Variants in COMMD6 observed in about 807,000 individuals in gnomAD.
COMMD6 encodes the protein COMM domain-containing protein 6.
A neutral mutation model predicts 13.4 loss-of-function variants in COMMD6; 11 were observed. The ratio of observed to expected loss-of-function variants is 0.82; its 90% CI spans 0.52 to 1.36. The LOEUF is 1.36. Ranked by LOEUF, COMMD6 falls within the 40% of genes most tolerant of loss-of-function variation. The pLI, the probability that COMMD6 is intolerant of heterozygous loss-of-function variation, is 0.00. For synonymous variants in COMMD6, 43 were observed against 36.5 expected, an observed-to-expected ratio of 1.18 and a Z score of -0.64; for missense variants, 124 against 102.4, an observed-to-expected ratio of 1.21 and a Z score of -0.91.
chr13:75,529,973 G>C (rs2030411386), intron 3 of COMMD6, 141 bp downstream of exon 3: 1 of 628,296 alleles, frequency 1.6e-6, no homozygotes, highest in Non-Finnish European at 2.8e-6. Context: ...AATGTCTCTT[G>C]CATATACTAC....
chr13:75,542,954 C>T (rs2030849354), upstream of COMMD6, among the ~76,000 whole-genome samples: 1 of 152,164 alleles, frequency 6.6e-6, no homozygotes, highest in Non-Finnish European at 1.5e-5. Flanking sequence ...CAGTGGTGTA[C>T]CTGGATAAAG....
intron 2 of COMMD6, chr13:75,530,475 C>A: frequency 2.8e-6 from 1 of 356,418 alleles, no homozygotes; most frequent in Middle Eastern, 7.3e-4. Flanking sequence ...TAAAAAACAC[C>A]ATCATAGTTT....
intron 1 of COMMD6, among the ~76,000 whole-genome samples, chr13:75,545,088 C>T (rs1640795079): frequency 6.6e-6 from 1 of 152,124 alleles, no homozygotes. Context: ...CAAGCACTGC[C>T]AAAAGGCCAC....
At chr13:75,528,083 G>A (rs563464400) in intron 3 of COMMD6, among the ~76,000 whole-genome samples, 65 of 151,616 alleles carry the variant, frequency 4.3e-4, no homozygotes, top group African/African-American at 1.4e-3. Context: ...GTGTGGGGGT[G>A]GATGTGTTAA....
intron 3 of COMMD6, among the ~76,000 whole-genome samples, chr13:75,528,519 G>T (rs926457030): frequency 3.9e-5 from 6 of 152,030 alleles, no homozygotes; most frequent in Non-Finnish European, 7.4e-5. Context: ...TTTAAATAAA[G>T]AAATCAGGCT....
At chr13:75,529,215 G>T (rs2030375255) in intron 3 of COMMD6, among the ~76,000 whole-genome samples, 1 of 152,068 alleles carries the variant, frequency 6.6e-6, no homozygotes, top group Admixed American at 6.6e-5. Flanking sequence ...AACATCTCCA[G>T]TATGTACATT....
intron 1 of COMMD6, among the ~76,000 whole-genome samples, chr13:75,546,999 A>T (rs926929085): frequency 6.6e-6 from 1 of 152,220 alleles, no homozygotes; most frequent in African/African-American, 2.4e-5. Flanking sequence ...GTTTAAAAAC[A>T]CCTTATGTAA....
chr13:75,532,969 T>C (rs1471506514), intron 2 of COMMD6, among the ~76,000 whole-genome samples: 1 of 151,314 alleles, frequency 6.6e-6, no homozygotes, highest in African/African-American at 2.4e-5. Context: ...CTCGCTCTGT[T>C]GCTCAGGCTG....
In COMMD6 at chr13:75,526,622, G is replaced by C; in HGVS notation, c.225C>G (p.Phe75Leu). The C allele has an allele frequency of 6.2e-7, 1 of 1,604,588 alleles. No individual in the cohort carries two copies. The highest frequency in any genetic ancestry group is 2.2e-5 in the East Asian group (1 of 44,646). Residue 75 changes from phenylalanine (F) to leucine (L), a missense_variant, in exon 4 of 4, where the codon TTC (phenylalanine) becomes TTG (leucine). Coordinates refer to ENST00000682242, the MANE Select transcript of COMMD6 (RefSeq NM_203495.4). Reference sequence around the variant, plus strand: ...TTTCAATAACTGCAGCAATTTCCTTGAACTGTCTGTAGAAATTCTGGAGAG... The same window carrying C: ...TTTCAATAACTGCAGCAATTTCCTTCAACTGTCTGTAGAAATTCTGGAGAG... ...IPQFQNFYRQ[F>L]KEIAAVIETV is the part of the protein sequence containing the mutation.
At chr13:75,533,525 T>A (rs61645976) in intron 2 of COMMD6, among the ~76,000 whole-genome samples, 3,966 of 144,206 alleles carry the variant, frequency 0.028, 3 homozygotes, top group African/African-American at 0.097. Context: ...GCTGTGAGCA[T>A]GCCACTGCAC....
Position 75,526,550 on chromosome 13 carries a change from T to TTC in COMMD6, c.*38_*39insGA. 6.7e-7 allele frequency: 1 copy of TTC among 1,482,030 alleles called. No individual in the cohort carries two copies. The allele number at this position is 1,482,030 out of a possible 1,614,324, so 91.8% of individuals were successfully genotyped here. On this transcript the variant is annotated 3_prime_UTR_variant, in exon 4 of 4. Coordinates refer to ENST00000682242, the MANE Select transcript of COMMD6 (RefSeq NM_203495.4). ...TGTTGCCGAAAGTGAAGTCCATGAC[T>TTC]TTAGAATGATAGCAATTTATCAACC...
At chr13:75,540,602 C>A (rs7995040), upstream of COMMD6, among the ~76,000 whole-genome samples, 77,880 of 151,904 alleles carry the variant, frequency 0.51, 20,979 homozygotes, top group East Asian at 0.66. Context: ...TCCAGCAACA[C>A]GTGATAAACT....
At chr13:75,537,938 A>C (rs2138425672), upstream of COMMD6, 14 of 824,644 alleles carry the variant, frequency 1.7e-5, no homozygotes, top group East Asian at 3.6e-4. Flanking sequence ...AAGCATCTTT[A>C]TGTGACTCAT....
rs1323731723 is a variant in COMMD6, at chr13:75,544,180, T to A, written n.106+5143A>T. Among the ~76,000 whole-genome samples the A allele has an allele frequency of 3.3e-5, 5 of 152,220 alleles. No homozygotes were observed. The South Asian group carries it at 1.0e-3, about 32-fold the overall frequency. On this transcript the variant is annotated intron_variant and non_coding_transcript_variant, in intron 1 of 2. Coordinates refer to the COMMD6 transcript ENST00000460675. ...TAAGATGCAGAACCGGGAATAAGCA[T>A]GATCACTAATCCTATAATCATGGAA...
At chr13:75,541,587 A>G (rs2030824819), upstream of COMMD6, among the ~76,000 whole-genome samples, 1 of 151,728 alleles carries the variant, frequency 6.6e-6, no homozygotes, top group African/African-American at 2.4e-5. Context: ...ATGTGTTACT[A>G]TTTTTGCCCA....
At chr13:75,530,703 T>C (rs966610078) in intron 2 of COMMD6, among the ~76,000 whole-genome samples, 26 of 152,246 alleles carry the variant, frequency 1.7e-4, no homozygotes, top group African/African-American at 6.3e-4. Flanking sequence ...CTGGGTGATG[T>C]GCTATGCAGT....
chr13:75,546,883 C>G (rs1282788950), intron 1 of COMMD6, among the ~76,000 whole-genome samples: 1 of 152,212 alleles, frequency 6.6e-6, no homozygotes. Flanking sequence ...TTAGCAAATA[C>G]TAAATCGTTG....
At chr13:75,527,166 C>T (rs2030292847) in intron 3 of COMMD6, among the ~76,000 whole-genome samples, 1 of 152,160 alleles carries the variant, frequency 6.6e-6, no homozygotes, top group South Asian at 2.1e-4. Flanking sequence ...TTTTAAATCT[C>T]AGGTAAGAAA....
At chr13:75,531,775 T>G (rs1175786541) in intron 2 of COMMD6, among the ~76,000 whole-genome samples, 1 of 152,222 alleles carries the variant, frequency 6.6e-6, no homozygotes, top group African/African-American at 2.4e-5. Context: ...AAGTGTAAAC[T>G]GGGCCAATCT....
Sources: gnomAD v4.1 joint callset for allele counts (sites outside exome capture counted in the v4.1 genomes callset) on GRCh38, gnomAD v4.1.1 for gene constraint, MANE v1.5 for transcripts, NCBI Gene and HGNC (gene_info 2026-07-23, HGNC 2026-07-21) for gene names.